Variants in SPTLC1 observed in about 807,000 individuals in gnomAD.
The protein encoded by SPTLC1 is serine palmitoyltransferase long chain base subunit 1, also known as serine palmitoyltransferase 1.
A neutral mutation model predicts 68.9 loss-of-function variants in SPTLC1; 55 were observed. The observed-to-expected ratio is 0.80, with a 90% CI of 0.64 to 1.00. SPTLC1 has a LOEUF of 1.00. Among genes scored for constraint, SPTLC1 ranks in the 50% least tolerant of loss-of-function variants. SPTLC1 has a pLI of 0.00. For missense variants in SPTLC1, 449 were observed against 573.1 expected, an observed-to-expected ratio of 0.78 and a Z score of 2.21; for synonymous variants, 197 against 201.6, an observed-to-expected ratio of 0.98 and a Z score of 0.19.
intron 2 of SPTLC1, 85 bp downstream of exon 2, chr9:92,112,370 G>T: frequency 1.0e-6 from 1 of 986,024 alleles, no homozygotes. Context: ...AACACACATG[G>T]TTGAGCCACC....
Position 92,031,664 on chromosome 9 carries a change from T to C in SPTLC1, c.*801A>G, listed in dbSNP as rs1467962680. ...TTGAGATATTCTAAAATATAAAGGA[T>C]ATGATTTATATTATGGGATCAACAT... On this transcript the variant is annotated 3_prime_UTR_variant, in exon 15 of 15. Coordinates refer to ENST00000262554, the MANE Select transcript of SPTLC1 (RefSeq NM_006415.4). 6.6e-6 allele frequency: 1 copy of C among 152,574 alleles called. No individual in the cohort carries two copies. Among genetic ancestry groups the C allele is most frequent in the Non-Finnish European group, 1.5e-5 (1 of 68,024 alleles). The allele number at this position is 152,574 out of a possible 1,614,324, so 9.5% of individuals were successfully genotyped here.
intron 5 of SPTLC1, among the ~76,000 whole-genome samples, chr9:92,069,404 C>T (rs1834404224): frequency 6.6e-6 from 1 of 152,150 alleles, no homozygotes; most frequent in Non-Finnish European, 1.5e-5. Context: ...AAAAAGGACA[C>T]TTTTCATTAC....
At chr9:92,040,443 T>C (rs562141095) in intron 12 of SPTLC1, among the ~76,000 whole-genome samples, 7 of 152,048 alleles carry the variant, frequency 4.6e-5, no homozygotes, top group Non-Finnish European at 7.4e-5. Flanking sequence ...TAGCATTTCA[T>C]ATGAATCAAA....
At chr9:92,057,030 A>C (rs1027246245) in intron 7 of SPTLC1, among the ~76,000 whole-genome samples, 1 of 152,218 alleles carries the variant, frequency 6.6e-6, no homozygotes. Context: ...GGAAAAGTAC[A>C]AAAAACAATT....
At chr9:92,106,753 C>T (rs1220332542) in intron 3 of SPTLC1, among the ~76,000 whole-genome samples, 1 of 152,244 alleles carries the variant, frequency 6.6e-6, no homozygotes, top group East Asian at 1.9e-4. Flanking sequence ...TTGGGGGTTC[C>T]ACCTAATGAG....
At chr9:92,033,110 C>G (rs535709757) in intron 14 of SPTLC1, among the ~76,000 whole-genome samples, 1 of 152,144 alleles carries the variant, frequency 6.6e-6, no homozygotes, top group South Asian at 2.1e-4. Flanking sequence ...GAATCTGCAG[C>G]CTGAAGGCCT....
chr9:92,108,480 G>A, intron 3 of SPTLC1: 1 of 420,582 alleles, frequency 2.4e-6, no homozygotes, highest in Non-Finnish European at 4.5e-6. Context: ...CATTTTAAGT[G>A]TTCGACCATT....
At chr9:92,033,039 C>G (rs1833025723) in intron 14 of SPTLC1, among the ~76,000 whole-genome samples, 1 of 152,214 alleles carries the variant, frequency 6.6e-6, no homozygotes, top group African/African-American at 2.4e-5. Flanking sequence ...CCTGTCTATT[C>G]ATGTACCTGC....
At chr9:92,079,666 G>T in intron 5 of SPTLC1, 2 of 1,051,814 alleles carry the variant, frequency 1.9e-6, no homozygotes, top group Non-Finnish European at 3.0e-6. Context: ...CCCCCTGCGT[G>T]GCTAGTCATG....
intron 6 of SPTLC1, among the ~76,000 whole-genome samples, chr9:92,061,812 TAACACTC>T (rs1406374648): frequency 6.6e-5 from 10 of 152,178 alleles, no homozygotes; most frequent in Non-Finnish European, 1.3e-4. Context: ...ATGTGTAATG[TAACACTC>T]AGAGTAATGA....
intron 3 of SPTLC1, among the ~76,000 whole-genome samples, chr9:92,100,582 G>A (rs1184385103): frequency 3.3e-5 from 5 of 152,094 alleles, no homozygotes; most frequent in Admixed American, 6.5e-5. Flanking sequence ...GTTTCTAGGT[G>A]ATCCCCATCT....
intron 3 of SPTLC1, chr9:92,104,597 C>T (rs1330061843): frequency 1.4e-6 from 2 of 1,476,356 alleles, no homozygotes; most frequent in Non-Finnish European, 1.8e-6. Flanking sequence ...GTTTAACCTT[C>T]AACTTCCTTC....
At chr9:92,059,107 A>C in intron 7 of SPTLC1, 72 bp downstream of exon 7, 1 of 1,557,752 alleles carries the variant, frequency 6.4e-7, no homozygotes, top group Non-Finnish European at 8.8e-7. Context: ...ATGACAAATT[A>C]CCATTTCATA....
chr9:92,066,359 C>T (rs1245587279), intron 6 of SPTLC1, among the ~76,000 whole-genome samples: 1 of 152,092 alleles, frequency 6.6e-6, no homozygotes, highest in Non-Finnish European at 1.5e-5. Flanking sequence ...AGATTTTGTC[C>T]ACATGCAGCA....
At chr9:92,114,091 C>A (rs1285280295) in intron 1 of SPTLC1, among the ~76,000 whole-genome samples, 4 of 150,704 alleles carry the variant, frequency 2.7e-5, no homozygotes, top group Middle Eastern at 3.4e-3. Flanking sequence ...CTGGGCAACA[C>A]AGCAAGCCCC....
intron 5 of SPTLC1, among the ~76,000 whole-genome samples, chr9:92,074,177 T>C (rs1261196225): frequency 6.6e-6 from 1 of 152,122 alleles, no homozygotes; most frequent in Non-Finnish European, 1.5e-5. Flanking sequence ...GTCCGTCCCC[T>C]TCTTAATCGA....
chr9:92,054,153 T>C (rs1476167171), intron 8 of SPTLC1: 3 of 154,688 alleles, frequency 1.9e-5, no homozygotes, highest in African/African-American at 7.2e-5. Flanking sequence ...TGGTGGCACA[T>C]GCTTGTAATC....
In SPTLC1 at chr9:92,044,796, T is replaced by C. The variant is rs998152116; in HGVS notation, c.1136+1203A>G. On this transcript the variant is annotated intron_variant, in intron 12 of 14. Transcript: ENST00000262554. ...AGGTGTGTAGATTTGTCAGGAAATA[T>C]GACAGAGTCCCAAGTGACAGCATAA... Among the ~76,000 whole-genome samples, 10 of 151,546 alleles carry C rather than the reference T, an allele frequency of 6.6e-5. No individual in the cohort carries two copies. In the East Asian group the frequency reaches 7.8e-4, roughly 12 times the overall value.
chr9:92,066,977 T>C (rs1313510601), intron 6 of SPTLC1, among the ~76,000 whole-genome samples: 3 of 148,478 alleles, frequency 2.0e-5, no homozygotes, highest in African/African-American at 5.0e-5. Flanking sequence ...TGAAACTCCA[T>C]CTCAAAATAA....
Sources: allele counts gnomAD v4.1 joint callset (sites outside exome capture counted in the v4.1 genomes callset), GRCh38; gene constraint gnomAD v4.1.1; transcripts MANE v1.5; gene names NCBI Gene and HGNC (gene_info 2026-07-23, HGNC 2026-07-21).